Variants in KIRREL1 observed in about 807,000 individuals in gnomAD.
The protein encoded by KIRREL1 is kirre like nephrin family adhesion molecule 1.
A neutral mutation model predicts 83.3 loss-of-function variants in KIRREL1; 25 were observed. That is an observed-to-expected ratio of 0.30 (90% CI 0.22 to 0.42). The LOEUF (loss-of-function observed/expected upper bound fraction) is 0.42. Ranked by LOEUF, KIRREL1 falls within the 10% of genes least tolerant of loss-of-function variation. KIRREL1 has a pLI of 1.00. For missense variants in KIRREL1, 812 were observed against 1,032.3 expected (o/e 0.79, Z 2.92); for synonymous variants, 388 against 410.4 (o/e 0.95, Z 0.66).
chr1:158,038,159 G>A (rs1298851310), intron 1 of KIRREL1, among the ~76,000 whole-genome samples: 3 of 152,232 alleles, frequency 2.0e-5, no homozygotes, highest in Non-Finnish European at 2.9e-5. Context: ...ATAGAGGTCC[G>A]TGTGGTGACT....
At chr1:157,997,113 T>C (rs1659227771) in intron 1 of KIRREL1, among the ~76,000 whole-genome samples, 1 of 152,176 alleles carries the variant, frequency 6.6e-6, no homozygotes, top group Non-Finnish European at 1.5e-5. Context: ...ATCTGATCAA[T>C]TGATTGATTT....
intron 1 of KIRREL1, among the ~76,000 whole-genome samples, chr1:158,024,895 G>A (rs905759992): frequency 1.3e-5 from 2 of 152,106 alleles, no homozygotes; most frequent in African/African-American, 4.8e-5. Context: ...GGCACTTCTT[G>A]CCCTAAGCTG....
At chr1:158,052,887 G>A (rs940140230) in intron 1 of KIRREL1, among the ~76,000 whole-genome samples, 1 of 152,178 alleles carries the variant, frequency 6.6e-6, no homozygotes, top group Non-Finnish European at 1.5e-5. Flanking sequence ...CATGGCAGAA[G>A]GCAGAGAGGG....
At chr1:158,055,634 T>C (rs1475089324) in intron 1 of KIRREL1, among the ~76,000 whole-genome samples, 1 of 152,204 alleles carries the variant, frequency 6.6e-6, no homozygotes, top group Non-Finnish European at 1.5e-5. Context: ...GTGTTGAAAG[T>C]CATGTAATTA....
intron 1 of KIRREL1, among the ~76,000 whole-genome samples, chr1:158,042,191 C>T (rs914352925): frequency 3.4e-5 from 5 of 147,718 alleles, no homozygotes; most frequent in East Asian, 2.0e-4. Flanking sequence ...TGAGTAGCTG[C>T]GTCGTGTGGG....
chr1:158,030,816 A>G (rs1660300359), intron 1 of KIRREL1: 1 of 152,194 alleles, frequency 6.6e-6, no homozygotes, highest in Non-Finnish European at 1.5e-5. Flanking sequence ...CTGTCCAGCC[A>G]TGCACCCCCT....
intron 1 of KIRREL1, among the ~76,000 whole-genome samples, chr1:158,071,720 G>A (rs72711954): frequency 0.046 from 7,034 of 152,176 alleles, 263 homozygotes; most frequent in Non-Finnish European, 0.066. Context: ...GGAAGGGGGC[G>A]CAGGCATAGG....
In KIRREL1 at chr1:158,010,326, A is replaced by AACACACACAC. The variant is rs56353855; in HGVS notation, c.52+16625_52+16634dup. ...AAGGAGAGCAGGAGTCCCCACCATAAACACACACACACACACACACACACA... is the reference window on the plus strand; with the variant it reads ...AAGGAGAGCAGGAGTCCCCACCATAAACACACACACACACACACACACACACACACACACA... On this transcript the variant is annotated intron_variant, in intron 1 of 14. Coordinates refer to ENST00000359209, the MANE Select transcript of KIRREL1 (RefSeq NM_018240.7). Among the ~76,000 whole-genome samples, 153 of 72,226 alleles carry AACACACACAC rather than the reference A, an allele frequency of 2.1e-3. 2 individuals carry two copies. The highest frequency in any genetic ancestry group is 2.8e-3 in the Non-Finnish European group (78 of 27,780). The allele number at this position is 72,226 out of a possible 152,430, so 47.4% of individuals were successfully genotyped here. A position where few individuals can be genotyped will look rare whatever the true frequency, so the allele number is the denominator to read the frequency against.
chr1:158,077,213 G>A (rs1348640450), intron 2 of KIRREL1, among the ~76,000 whole-genome samples: 1 of 152,208 alleles, frequency 6.6e-6, no homozygotes, highest in Non-Finnish European at 1.5e-5. Context: ...TACAGGTAGA[G>A]GAAATTCGTC....
intron 1 of KIRREL1, among the ~76,000 whole-genome samples, chr1:158,012,602 A>G (rs911112763): frequency 3.3e-5 from 5 of 152,144 alleles, no homozygotes; most frequent in African/African-American, 1.2e-4. Flanking sequence ...TTCACATTCC[A>G]TCTTCCTTTC....
intron 1 of KIRREL1, among the ~76,000 whole-genome samples, chr1:158,041,713 A>C (rs536049536): frequency 2.0e-5 from 3 of 152,336 alleles, no homozygotes; most frequent in African/African-American, 7.2e-5. Context: ...ACCAGGTTCA[A>C]ATCTCAGCTC....
At chr1:158,046,489 A>AG (rs1660780199) in intron 1 of KIRREL1, among the ~76,000 whole-genome samples, 1 of 152,152 alleles carries the variant, frequency 6.6e-6, no homozygotes, top group Non-Finnish European at 1.5e-5. Context: ...GAAAGGTCTG[A>AG]GCTGGGATAG....
At chr1:158,009,408 G>A (rs1044346401) in intron 1 of KIRREL1, among the ~76,000 whole-genome samples, 2 of 152,232 alleles carry the variant, frequency 1.3e-5, no homozygotes, top group African/African-American at 2.4e-5. Flanking sequence ...ACTGGTGACA[G>A]TATATGCAAA....
At chr1:158,026,800 A>G (rs903987642) in intron 1 of KIRREL1, among the ~76,000 whole-genome samples, 4 of 152,148 alleles carry the variant, frequency 2.6e-5, no homozygotes, top group African/African-American at 4.8e-5. Context: ...CCTGGAGACT[A>G]TGCTCCTAAT....
chr1:158,019,024 T>C (rs1447039585), intron 1 of KIRREL1, among the ~76,000 whole-genome samples: 1 of 152,218 alleles, frequency 6.6e-6, no homozygotes, highest in East Asian at 1.9e-4. Context: ...CCCGTTTCTC[T>C]GGCTTGAACC....
intron 1 of KIRREL1, among the ~76,000 whole-genome samples, chr1:158,040,006 GA>G (rs762029389): frequency 8.5e-5 from 13 of 152,246 alleles, no homozygotes; most frequent in Non-Finnish European, 1.6e-4. Flanking sequence ...CTGAGGAGAG[GA>G]GAGAGTTGAT....
At chr1:158,019,556 C>T (rs929855593) in intron 1 of KIRREL1, among the ~76,000 whole-genome samples, 3 of 152,018 alleles carry the variant, frequency 2.0e-5, no homozygotes, top group Non-Finnish European at 4.4e-5. Context: ...CCAGGCTGAG[C>T]TCCACACTGA....
At chr1:158,085,451 G>A (rs1365992844) in intron 4 of KIRREL1, among the ~76,000 whole-genome samples, 1 of 152,194 alleles carries the variant, frequency 6.6e-6, no homozygotes, top group East Asian at 1.9e-4. Context: ...TTTGACAAAT[G>A]ATAATTCAGC....
rs1312969285 is a variant in KIRREL1, at chr1:158,096,509, A to G, written c.*1389A>G. Reference sequence around the variant, plus strand: ...AGCCTCGGACACACTGTTAAGTGTTACAGTGTTAGGAGAGAGATGGGTGAG... The same window carrying G: ...AGCCTCGGACACACTGTTAAGTGTTGCAGTGTTAGGAGAGAGATGGGTGAG... On this transcript the variant is annotated 3_prime_UTR_variant, in exon 15 of 15. Coordinates refer to ENST00000359209, the MANE Select transcript of KIRREL1 (RefSeq NM_018240.7). 2.2e-5 allele frequency: 10 copies of G among 451,332 alleles called. No individual in the cohort carries two copies. Among genetic ancestry groups the G allele is most frequent in the South Asian group, 1.6e-4 (10 of 63,874 alleles). The allele number at this position is 451,332 out of a possible 1,614,324, so 28.0% of individuals were successfully genotyped here. A position where few individuals can be genotyped will look rare whatever the true frequency, so the allele number is the denominator to read the frequency against.
Sources: gnomAD v4.1 joint callset for allele counts (sites outside exome capture counted in the v4.1 genomes callset) on GRCh38, gnomAD v4.1.1 for gene constraint, MANE v1.5 for transcripts, NCBI Gene and HGNC (gene_info 2026-07-23, HGNC 2026-07-21) for gene names.